Variants in PTPRT observed in about 807,000 individuals in gnomAD.
PTPRT encodes the protein protein tyrosine phosphatase receptor type T, also known as receptor-type tyrosine-protein phosphatase T.
PTPRT carries 56 observed loss-of-function variants against 176.8 expected under a neutral mutation model. The ratio of observed to expected loss-of-function variants is 0.32; its 90% CI spans 0.26 to 0.40. The LOEUF is 0.40. PTPRT is among the 10% of genes least tolerant of loss of function. The pLI is 1.00. For synonymous variants in PTPRT, 783 were observed against 739.0 expected, an observed-to-expected ratio of 1.06 and a Z score of -0.96; for missense variants, 1,540 against 1,908.2, an observed-to-expected ratio of 0.81 and a Z score of 3.60.
intron 4 of PTPRT, among the ~76,000 whole-genome samples, 155 bp from the exon 5 acceptor site, chr20:42,771,705 A>G (rs1327860954): frequency 2.0e-5 from 3 of 152,224 alleles, no homozygotes; most frequent in Non-Finnish European, 4.4e-5. Flanking sequence ...ATCACTTATT[A>G]TAAGTCTGGC....
At chr20:42,913,710 T>G (rs1006502313) in intron 1 of PTPRT, among the ~76,000 whole-genome samples, 4 of 152,210 alleles carry the variant, frequency 2.6e-5, no homozygotes, top group African/African-American at 9.7e-5. Context: ...GCAAATTCTA[T>G]GCCAATATTT....
At chr20:42,937,647 G>C (rs1191672949) in intron 1 of PTPRT, among the ~76,000 whole-genome samples, 2 of 152,270 alleles carry the variant, frequency 1.3e-5, no homozygotes, top group African/African-American at 4.8e-5. Context: ...CTTTCAGAGA[G>C]TTGAGAGCAG....
chr20:42,734,430 A>G (rs1468853810), intron 6 of PTPRT, among the ~76,000 whole-genome samples: 1 of 152,196 alleles, frequency 6.6e-6, no homozygotes, highest in African/African-American at 2.4e-5. Context: ...AATCCAATAA[A>G]GCAATGCTGT....
At chr20:42,792,910 G>A (rs955243572) in intron 2 of PTPRT, among the ~76,000 whole-genome samples, 1 of 152,328 alleles carries the variant, frequency 6.6e-6, no homozygotes, top group South Asian at 2.1e-4. Flanking sequence ...GACAGAGAGA[G>A]AGGAGTTCAA....
intron 13 of PTPRT, among the ~76,000 whole-genome samples, chr20:42,264,573 C>T (rs944392654): frequency 3.6e-4 from 55 of 152,208 alleles, no homozygotes; most frequent in African/African-American, 1.3e-3. Context: ...TGTAGCTCTT[C>T]CCCTAGTCTT....
At chr20:42,324,473 TA>T (rs2057852734) in intron 11 of PTPRT, among the ~76,000 whole-genome samples, 1 of 152,350 alleles carries the variant, frequency 6.6e-6, no homozygotes, top group East Asian at 1.9e-4. Context: ...ATACATTTAC[TA>T]AAGAATTGTA....
chr20:42,480,801 C>T (rs1458754849), intron 7 of PTPRT, among the ~76,000 whole-genome samples: 4 of 152,166 alleles, frequency 2.6e-5, no homozygotes, highest in Non-Finnish European at 4.4e-5. Flanking sequence ...CGAGGATTAA[C>T]GATTCCCCAA....
chr20:42,726,357 G>A (rs1032313120), intron 6 of PTPRT, among the ~76,000 whole-genome samples: 1 of 152,112 alleles, frequency 6.6e-6, no homozygotes, highest in Non-Finnish European at 1.5e-5. Context: ...GGGATTACAG[G>A]TGTGAGCTAC....
At chr20:42,112,795 G>A (rs1242365621) in intron 22 of PTPRT, among the ~76,000 whole-genome samples, 14 of 152,304 alleles carry the variant, frequency 9.2e-5, no homozygotes, top group South Asian at 8.3e-4. Context: ...TAACATAGGG[G>A]CAGGACTAGA....
At position 42,488,468 on chromosome 20, in the gene PTPRT, T is replaced by C. The variant is rs114425795; in HGVS notation, c.1154-15906A>G. Among the ~76,000 whole-genome samples, 596 of 152,326 alleles carry C rather than the reference T, an allele frequency of 3.9e-3. 4 individuals carry two copies. The highest frequency in any genetic ancestry group is 0.014 in the African/African-American group (568 of 41,580). ...TACGTATTTTTTACCATTACTATTT[T>C]AATTTATATTGTTTCAGTACTAAGG... On this transcript the variant is annotated intron_variant, in intron 7 of 30. Coordinates refer to ENST00000373187, the MANE Select transcript of PTPRT (RefSeq NM_007050.6).
At chr20:42,392,762 G>C (rs1293530623) in intron 9 of PTPRT, among the ~76,000 whole-genome samples, 1 of 152,162 alleles carries the variant, frequency 6.6e-6, no homozygotes, top group African/African-American at 2.4e-5. Flanking sequence ...AATTCACATG[G>C]AAAAGGACAG....
rs143785370 is a variant in PTPRT at position 42,194,162 on chromosome 20, T to C, written c.2491+5078A>G. Among the ~76,000 whole-genome samples, 125 of 152,354 alleles carry C rather than the reference T, an allele frequency of 8.2e-4. 1 individual carries two copies. In the East Asian group the frequency reaches 0.019, roughly 23 times the overall value. The stretch of plus-strand genomic sequence containing the variant: ...TGAAAGGCTTACAAGTAGAACCATG[T>C]ATTATTTGTGATATAATACCTCATT... On this transcript the variant is annotated intron_variant, in intron 16 of 30. Coordinates refer to ENST00000373187, the MANE Select transcript of PTPRT (RefSeq NM_007050.6).
chr20:42,531,222 A>C (rs2072378177), intron 7 of PTPRT, among the ~76,000 whole-genome samples: 1 of 152,196 alleles, frequency 6.6e-6, no homozygotes, highest in African/African-American at 2.4e-5. Context: ...AATGTTTTGC[A>C]ATGAGTTACT....
rs1332263203 is a variant in PTPRT at position 42,074,625 on chromosome 20, CT to C, written c.*6253del. On this transcript the variant is annotated 3_prime_UTR_variant, in exon 31 of 31. Coordinates refer to ENST00000373187, the MANE Select transcript of PTPRT (RefSeq NM_007050.6). The stretch of plus-strand genomic sequence containing the variant: ...TTTCATCCTGAGCCCTTGCACTTCC[CT>C]TGTATCTGCCCCAGTGGACCACCCC... 1 of 396,104 alleles carries C rather than the reference CT, an allele frequency of 2.5e-6. No homozygotes were observed. Among genetic ancestry groups the C allele is most frequent in the African/African-American group, 2.1e-5 (1 of 48,580 alleles). The allele number at this position is 396,104 out of a possible 1,614,324, so 24.5% of individuals were successfully genotyped here. A position where few individuals can be genotyped will look rare whatever the true frequency, so the allele number is the denominator to read the frequency against.
chr20:42,849,910 T>C (rs904226324), intron 2 of PTPRT, among the ~76,000 whole-genome samples: 1 of 152,190 alleles, frequency 6.6e-6, no homozygotes, highest in Admixed American at 6.5e-5. Flanking sequence ...CTGTTTCTGT[T>C]TCCTACAACT....
intron 9 of PTPRT, among the ~76,000 whole-genome samples, chr20:42,377,136 C>T (rs747306810): frequency 1.3e-5 from 2 of 152,250 alleles, no homozygotes; most frequent in South Asian, 4.2e-4. Context: ...CTCAGCAAAG[C>T]GATGCATTTC....
At chr20:42,791,552 G>T in intron 2 of PTPRT, 86 bp from the exon 3 acceptor site, 2 of 1,410,572 alleles carry the variant, frequency 1.4e-6, no homozygotes, top group Non-Finnish European at 1.9e-6. Flanking sequence ...CATAAACATG[G>T]TGGCCAGAGG....
At chr20:42,987,712 C>G (rs145229432) in intron 1 of PTPRT, among the ~76,000 whole-genome samples, 1 of 152,228 alleles carries the variant, frequency 6.6e-6, no homozygotes, top group African/African-American at 2.4e-5. Flanking sequence ...TTGCTTCCTC[C>G]AAGCCATCAT....
chr20:43,115,717 C>G (rs185329778), intron 1 of PTPRT, among the ~76,000 whole-genome samples: 278 of 152,320 alleles, frequency 1.8e-3, no homozygotes, highest in African/African-American at 6.6e-3. Flanking sequence ...ATATGAAACA[C>G]TGCCGTGGAG....
Sources: allele counts gnomAD v4.1 joint callset (sites outside exome capture counted in the v4.1 genomes callset), GRCh38; gene constraint gnomAD v4.1.1; transcripts MANE v1.5; gene names NCBI Gene and HGNC (gene_info 2026-07-23, HGNC 2026-07-21).